VPS29: variants seen among roughly 807,000 people sequenced by gnomAD.
The protein encoded by VPS29 is VPS29 retromer complex component.
In VPS29, 2 loss-of-function variants were observed where a neutral mutation model predicts 20.0. The ratio of observed to expected loss-of-function variants is 0.10; its 90% CI spans 0.04 to 0.31. VPS29 has a LOEUF of 0.31. Ranked by LOEUF, VPS29 falls within the 10% of genes least tolerant of loss-of-function variation. VPS29 has a pLI of 1.00. For synonymous variants in VPS29, 81 were observed against 79.3 expected, an observed-to-expected ratio of 1.02 and a Z score of -0.12; for missense variants, 120 against 215.3, an observed-to-expected ratio of 0.56 and a Z score of 2.77.
At chr12:110,492,592 A>ATTTTT (rs1382961319) in intron 3 of VPS29, among the ~76,000 whole-genome samples, 11 of 138,074 alleles carry the variant, frequency 8.0e-5, no homozygotes, top group Non-Finnish European at 1.5e-5. Context: ...AGTCACATTT[A>ATTTTT]TTTTTATTTT....
At chr12:110,494,251 A>ATT (rs913907254) in intron 2 of VPS29, among the ~76,000 whole-genome samples, 24 of 139,968 alleles carry the variant, frequency 1.7e-4, no homozygotes, top group Non-Finnish European at 2.2e-4. Context: ...ATATGTATAA[A>ATT]TTTTTTTTTT....
At chr12:110,501,840 G>C in intron 1 of VPS29, 1 of 1,294,866 alleles carries the variant, frequency 7.7e-7, no homozygotes, top group South Asian at 1.3e-5. Context: ...TTGGGGCCGG[G>C]ATACGAGACC....
rs778100158 is a variant in VPS29, at chr12:110,501,920, A to G, written c.3+129T>C. 5 of 1,582,724 alleles carry G rather than the reference A, an allele frequency of 3.2e-6. No homozygotes were observed. The South Asian group carries it at 5.6e-5, about 18-fold the overall frequency. ...ACCTCTTCTGGGCCTTTCCCAGGCCAGCGCCTGGGCCCTGACGCCGAGGCC... is the reference window on the plus strand; with the variant it reads ...ACCTCTTCTGGGCCTTTCCCAGGCCGGCGCCTGGGCCCTGACGCCGAGGCC... On this transcript the variant is annotated intron_variant, in intron 1 of 3. Transcript: ENST00000549578.
intron 1 of VPS29, chr12:110,501,488 G>A (rs1388943468): frequency 6.5e-7 from 1 of 1,535,356 alleles, no homozygotes; most frequent in African/African-American, 1.4e-5. Flanking sequence ...CGCCCTCTGA[G>A]AGCACACCTG....
intron 3 of VPS29, among the ~76,000 whole-genome samples, chr12:110,492,530 A>T (rs986664001): frequency 1.3e-4 from 19 of 151,928 alleles, no homozygotes; most frequent in African/African-American, 4.6e-4. Context: ...AGATTGCAAC[A>T]CTACACTCCA....
intron 1 of VPS29, chr12:110,496,788 C>CA (rs1313711663): frequency 1.3e-5 from 2 of 152,144 alleles, no homozygotes; most frequent in African/African-American, 4.8e-5. Context: ...CAACTATGTG[C>CA]AAGCATAATA....
At chr12:110,500,892 A>G (rs1222383525) in intron 1 of VPS29, among the ~76,000 whole-genome samples, 1 of 152,144 alleles carries the variant, frequency 6.6e-6, no homozygotes, top group South Asian at 2.1e-4. Context: ...TGAAAATATG[A>G]TTACAGGCCG....
chr12:110,492,932 CGAA>C (rs2062841444), intron 3 of VPS29, 61 bp downstream of exon 3: 1 of 1,412,242 alleles, frequency 7.1e-7, no homozygotes, highest in Non-Finnish European at 9.7e-7. Context: ...ATTTCTTTTA[CGAA>C]ATGTCACACA....
In VPS29 at chr12:110,502,107, T is replaced by A. The variant is rs376344402; in HGVS notation, c.-56A>T. 2.6e-5 allele frequency: 41 copies of A among 1,589,326 alleles called. No homozygotes were observed. In the African/African-American group the frequency reaches 5.2e-4, roughly 20 times the overall value. On this transcript the variant is annotated 5_prime_UTR_variant, in exon 1 of 4. Coordinates refer to ENST00000549578, the MANE Select transcript of VPS29 (RefSeq NM_016226.5). ...ACCGTCGCCGCCCTCTTCCTCAGGC[T>A]CCTCGGCGACCCGCCCACTTAACCG...
chr12:110,500,149 T>C (rs1485333990), intron 1 of VPS29, among the ~76,000 whole-genome samples: 3 of 152,132 alleles, frequency 2.0e-5, no homozygotes, highest in Non-Finnish European at 2.9e-5. Context: ...GAAGACAAAA[T>C]AATAAAAACA....
chr12:110,495,912 A>C lies in VPS29; in HGVS notation c.195+100T>G, dbSNP rs571990904. 40 of 1,181,398 alleles carry C rather than the reference A, an allele frequency of 3.4e-5. No individual in the cohort carries two copies. In the South Asian group the frequency reaches 9.5e-4, roughly 28 times the overall value. 73.2% of individuals were successfully genotyped at this position (1,181,398 alleles called of 1,614,324 possible). A position where few individuals can be genotyped will look rare whatever the true frequency, so the allele number is the denominator to read the frequency against. ...TGGAAAAGAAAAAGGGAAAAAAAAA[A>C]AAACCTTACCAGTTGAGAAACCCTG... On this transcript the variant is annotated intron_variant, in intron 2 of 3. Coordinates refer to ENST00000549578, the MANE Select transcript of VPS29 (RefSeq NM_016226.5).
intron 1 of VPS29, chr12:110,499,542 C>G: frequency 6.2e-7 from 1 of 1,611,960 alleles, no homozygotes; most frequent in South Asian, 1.1e-5. Flanking sequence ...TACTCTGTGC[C>G]CAGCCTTAGT....
Position 110,491,967 on chromosome 12 carries a change from A to C in VPS29, c.*38T>G. ...TTAATTACTTGATTTCAACAGGACA[A>C]TGAAAAAAAACCAAAAATCATCAAG... is the stretch of plus-strand genomic sequence containing the variant. On this transcript the variant is annotated 3_prime_UTR_variant, in exon 4 of 4. Transcript: ENST00000549578. 1 of 1,481,234 alleles carries C rather than the reference A, an allele frequency of 6.8e-7. No individual in the cohort carries two copies. Among genetic ancestry groups the C allele is most frequent in the Non-Finnish European group, 9.4e-7 (1 of 1,064,910 alleles). The allele number at this position is 1,481,234 out of a possible 1,614,324, so 91.8% of individuals were successfully genotyped here. A position where few individuals can be genotyped will look rare whatever the true frequency, so the allele number is the denominator to read the frequency against.
chr12:110,494,861 A>G (rs2062877580), intron 2 of VPS29, among the ~76,000 whole-genome samples: 1 of 152,020 alleles, frequency 6.6e-6, no homozygotes, highest in African/African-American at 2.4e-5. Context: ...CTGGGACGAC[A>G]GGCGCCCAGC....
rs536964250 is a variant in VPS29 at position 110,495,973 on chromosome 12, A to G, written c.195+39T>C. Reference sequence around the variant, plus strand: ...AAAGCTTATGTAAGTAATAATCAAGAAAGGGAGATATTTGAGAAGGGAAAG... The same window carrying G: ...AAAGCTTATGTAAGTAATAATCAAGGAAGGGAGATATTTGAGAAGGGAAAG... On this transcript the variant is annotated intron_variant, in intron 2 of 3. Coordinates refer to ENST00000549578, the MANE Select transcript of VPS29 (RefSeq NM_016226.5). 3.4e-6 allele frequency: 5 copies of G among 1,461,308 alleles called. No homozygotes were observed. In the East Asian group the frequency reaches 1.2e-4, roughly 34 times the overall value. The allele number at this position is 1,461,308 out of a possible 1,614,324, so 90.5% of individuals were successfully genotyped here.
rs1322385032 is a variant in VPS29, at chr12:110,501,812, T to C, written c.3+237A>G. On this transcript the variant is annotated intron_variant, in intron 1 of 3. Transcript: ENST00000549578. ...CTGCTAGAGGGGCCTTTTTACCCCT[T>C]GGATGGCCTCTGGCCCCTTGGGGCC... 2.6e-6 allele frequency: 3 copies of C among 1,162,250 alleles called. No individual in the cohort carries two copies. The South Asian group carries it at 4.0e-5, about 15-fold the overall frequency. 72.0% of individuals were successfully genotyped at this position (1,162,250 alleles called of 1,614,324 possible). A position where few individuals can be genotyped will look rare whatever the true frequency, so the allele number is the denominator to read the frequency against.
chr12:110,494,442 G>A (rs1263224753), intron 2 of VPS29, among the ~76,000 whole-genome samples: 1 of 151,540 alleles, frequency 6.6e-6, no homozygotes, highest in Non-Finnish European at 1.5e-5. Context: ...TTTTAGTGGA[G>A]ACAGGGGTTC....
At chr12:110,497,364 G>T (rs769136540) in intron 1 of VPS29, among the ~76,000 whole-genome samples, 1 of 151,292 alleles carries the variant, frequency 6.6e-6, no homozygotes, top group Non-Finnish European at 1.5e-5. Flanking sequence ...CTACAGGCGT[G>T]TGCCACCATG....
chr12:110,501,659 T>C, intron 1 of VPS29: 1 of 1,525,026 alleles, frequency 6.6e-7, no homozygotes, highest in Non-Finnish European at 8.8e-7. Context: ...CAGCGGGAGG[T>C]GCTTTTTGCG....
Sources: gnomAD v4.1 joint callset for allele counts (sites outside exome capture counted in the v4.1 genomes callset) on GRCh38, gnomAD v4.1.1 for gene constraint, MANE v1.5 for transcripts, NCBI Gene and HGNC (gene_info 2026-07-23, HGNC 2026-07-21) for gene names.